The following RBFOX1 variants were observed in gnomAD, a reference collection of about 807,000 sequenced individuals.
The protein encoded by RBFOX1 is RNA binding protein fox-1 homolog 1.
A neutral mutation model predicts 57.7 loss-of-function variants in RBFOX1; 8 were observed. That is an observed-to-expected ratio of 0.14 (90% CI 0.08 to 0.25). The LOEUF (loss-of-function observed/expected upper bound fraction) is 0.25, where lower values mean the gene tolerates loss of function less well. RBFOX1 is among the 10% of genes least tolerant of loss of function. The pLI is 1.00. For missense variants in RBFOX1, 611 were observed against 548.5 expected, an observed-to-expected ratio of 1.11 and a Z score of -1.14; for synonymous variants, 326 against 222.4, an observed-to-expected ratio of 1.47 and a Z score of -4.15.
At chr16:6,792,923 G>A (rs1471272615) in intron 3 of RBFOX1, among the ~76,000 whole-genome samples, 3 of 151,936 alleles carry the variant, frequency 2.0e-5, no homozygotes, top group Non-Finnish European at 4.4e-5. Flanking sequence ...CAAGCTACTA[G>A]GGAGGCTGAG....
chr16:7,455,295 T>C (rs2058273388), intron 4 of RBFOX1, among the ~76,000 whole-genome samples: 1 of 152,168 alleles, frequency 6.6e-6, no homozygotes, highest in Non-Finnish European at 1.5e-5. Context: ...CTCCCTATAT[T>C]GAGAAGTTTC....
intron 2 of RBFOX1, among the ~76,000 whole-genome samples, chr16:6,567,959 T>G (rs2097290735): frequency 6.6e-6 from 1 of 152,184 alleles, no homozygotes; most frequent in South Asian, 2.1e-4. Flanking sequence ...TAGCTGGGAC[T>G]ACAGGCGCAT....
chr16:6,799,977 C>T (rs1052347253), intron 3 of RBFOX1, among the ~76,000 whole-genome samples: 1 of 152,146 alleles, frequency 6.6e-6, no homozygotes, highest in South Asian at 2.1e-4. Flanking sequence ...AATAAACTTC[C>T]TTTCATATAT....
Position 6,197,191 on chromosome 16 carries a change from C to T in RBFOX1, c.-126-119804C>T, listed in dbSNP as rs77520062. 7.2e-3 allele frequency among the ~76,000 whole-genome samples: 1,103 copies of T among 152,246 alleles called. 7 individuals carry two copies. The highest frequency in any genetic ancestry group is 0.025 in the African/African-American group (1,044 of 41,560). ...ATACTATGCATACGTCTTATTTCTT[C>T]TTCCTCTGCACCCTCCCTCTGGTGG... On this transcript the variant is annotated intron_variant, in intron 1 of 15. Coordinates refer to ENST00000550418, the MANE Select transcript of RBFOX1 (RefSeq NM_018723.4).
intron 4 of RBFOX1, among the ~76,000 whole-genome samples, chr16:7,388,142 A>G (rs1471419560): frequency 6.6e-6 from 1 of 152,150 alleles, no homozygotes; most frequent in Admixed American, 6.5e-5. Flanking sequence ...GCATAATCGA[A>G]AATAGCAGGA....
At chr16:7,072,808 C>A (rs376540071) in intron 4 of RBFOX1, among the ~76,000 whole-genome samples, 1 of 152,172 alleles carries the variant, frequency 6.6e-6, no homozygotes, top group Non-Finnish European at 1.5e-5. Flanking sequence ...ATGAAGCTAC[C>A]GTTGGCCCAG....
intron 1 of RBFOX1, among the ~76,000 whole-genome samples, chr16:5,424,741 T>C (rs568052404): frequency 6.6e-6 from 1 of 152,126 alleles, no homozygotes; most frequent in South Asian, 2.1e-4. Context: ...TTGAATATTG[T>C]TGGGGTTTGG....
chr16:7,417,849 C>G (rs574627469), intron 4 of RBFOX1, among the ~76,000 whole-genome samples: 104 of 152,306 alleles, frequency 6.8e-4, no homozygotes, highest in African/African-American at 2.4e-3. Context: ...GTCTACTTCA[C>G]TTCTTGACGC....
intron 4 of RBFOX1, among the ~76,000 whole-genome samples, chr16:5,955,821 AAT>A (rs1311347521): frequency 6.6e-6 from 1 of 152,214 alleles, no homozygotes; most frequent in East Asian, 1.9e-4. Context: ...CCGGAAAACT[AAT>A]ATATATGACA....
intron 2 of RBFOX1, among the ~76,000 whole-genome samples, chr16:6,478,423 ATATATATTTTT>A (rs1417659814): frequency 2.5e-4 from 3 of 11,996 alleles, no homozygotes; most frequent in African/African-American, 6.3e-4. Flanking sequence ...ATATATATAT[ATATATATTTTT>A]TTTTTTTTTT....
rs117155404 is a variant in RBFOX1, at chr16:6,932,220, C to A, written c.-15-119837C>A. Among the ~76,000 whole-genome samples, 22 of 152,288 alleles carry A rather than the reference C, an allele frequency of 1.4e-4. No homozygotes were observed. The East Asian group carries it at 3.7e-3, about 25-fold the overall frequency. ...CTGTGCTTGAGTGATTTCCCTGCCT[C>A]GGCCTCCCAAGTAGCTGGGATTACA... On this transcript the variant is annotated intron_variant, in intron 3 of 15. Transcript: ENST00000550418.
intron 1 of RBFOX1, among the ~76,000 whole-genome samples, chr16:6,218,204 TCTC>T (rs1328375715): frequency 6.6e-6 from 1 of 152,174 alleles, no homozygotes; most frequent in Non-Finnish European, 1.5e-5. Context: ...GCCTGCCCAT[TCTC>T]CTTGAGTATG....
chr16:5,529,197 A>C (rs942859084), intron 2 of RBFOX1, among the ~76,000 whole-genome samples: 3 of 152,030 alleles, frequency 2.0e-5, no homozygotes, highest in Non-Finnish European at 2.9e-5. Flanking sequence ...TAAAATGGGA[A>C]TGATCATTAT....
At chr16:5,760,803 A>G in intron 3 of RBFOX1, among the ~76,000 whole-genome samples, 1 of 152,192 alleles carries the variant, frequency 6.6e-6, no homozygotes, top group East Asian at 1.9e-4. Context: ...GGTAAATCCA[A>G]AGAGACAAAA....
At chr16:6,968,826 T>TTG (rs1270878040) in intron 3 of RBFOX1, among the ~76,000 whole-genome samples, 1 of 151,986 alleles carries the variant, frequency 6.6e-6, no homozygotes, top group African/African-American at 2.4e-5. Context: ...TTTTTGTTTT[T>TTG]TTTTTTTTAA....
At chr16:6,312,830 C>T (rs571498558) in intron 1 of RBFOX1, among the ~76,000 whole-genome samples, 3 of 152,044 alleles carry the variant, frequency 2.0e-5, no homozygotes, top group Non-Finnish European at 2.9e-5. Context: ...CTGCCATATC[C>T]ATAGCATTGT....
chr16:7,513,325 G>C (rs1405200642), intron 4 of RBFOX1, among the ~76,000 whole-genome samples: 1 of 152,026 alleles, frequency 6.6e-6, no homozygotes, highest in African/African-American at 2.4e-5. Context: ...CTCCCCACCA[G>C]GTGATTCTCT....
chr16:7,392,896 CAG>C (rs2098063682), intron 4 of RBFOX1, among the ~76,000 whole-genome samples: 1 of 151,050 alleles, frequency 6.6e-6, no homozygotes, highest in African/African-American at 2.5e-5. Context: ...TGTTTTGAGA[CAG>C]AGTCTTGCTG....
intron 3 of RBFOX1, among the ~76,000 whole-genome samples, chr16:5,795,402 C>G (rs1403413363): frequency 6.6e-6 from 1 of 151,938 alleles, no homozygotes; most frequent in Admixed American, 6.6e-5. Flanking sequence ...CTTCTGGGCT[C>G]AAGTGATCCT....
Sources: gnomAD v4.1 joint callset for allele counts (sites outside exome capture counted in the v4.1 genomes callset) on GRCh38, gnomAD v4.1.1 for gene constraint, MANE v1.5 for transcripts, NCBI Gene and HGNC (gene_info 2026-07-23, HGNC 2026-07-21) for gene names.